BANF2: variants seen among roughly 807,000 people sequenced by gnomAD.
The protein encoded by BANF2 is barrier-to-autointegration factor-like protein.
BANF2 carries 4 observed loss-of-function variants against 8.0 expected under a neutral mutation model. That is an observed-to-expected ratio of 0.50 (90% CI 0.25 to 1.14). BANF2 has a LOEUF of 1.14. Among genes scored for constraint, BANF2 ranks in the 50% most tolerant of loss-of-function variants. The pLI is 0.16. For missense variants in BANF2, 96 were observed against 107.5 expected (o/e 0.89, Z 0.47); for synonymous variants, 50 against 40.6 (o/e 1.23, Z -0.88).
At chr20:17,697,981 G>T (rs1413953505), upstream of BANF2, among the ~76,000 whole-genome samples, 1 of 152,014 alleles carries the variant, frequency 6.6e-6, no homozygotes, top group African/African-American at 2.4e-5. Flanking sequence ...AGGATGGGCG[G>T]ATCATCTGAG....
At chr20:17,693,790 G>T in intron 1 of BANF2, 1 of 1,482,600 alleles carries the variant, frequency 6.7e-7, no homozygotes, top group Non-Finnish European at 9.2e-7. Flanking sequence ...ACCTGGCTAG[G>T]AGAGGTGTGT....
intron 1 of BANF2, among the ~76,000 whole-genome samples, chr20:17,702,844 T>C (rs1408287266): frequency 6.6e-6 from 1 of 152,204 alleles, no homozygotes; most frequent in African/African-American, 2.4e-5. Context: ...TCTCATATGA[T>C]AGCCACTAGG....
At chr20:17,725,273 T>G (rs1388652211) in intron 3 of BANF2, 122 bp downstream of exon 3, 9 of 1,277,188 alleles carry the variant, frequency 7.0e-6, no homozygotes, top group Non-Finnish European at 9.8e-6. Context: ...AGCTGCCGCT[T>G]GGCGGGGTGC....
chr20:17,711,327 G>C (rs1385051513), intron 1 of BANF2, among the ~76,000 whole-genome samples: 3 of 152,246 alleles, frequency 2.0e-5, no homozygotes, highest in Non-Finnish European at 4.4e-5. Flanking sequence ...TTGTTTAACT[G>C]CACAGTGGAG....
At chr20:17,720,247 G>T (rs548613547) in intron 1 of BANF2, among the ~76,000 whole-genome samples, 1 of 152,322 alleles carries the variant, frequency 6.6e-6, no homozygotes, top group South Asian at 2.1e-4. Flanking sequence ...GTACCCAAAA[G>T]AATTGAATGC....
rs1033600876 is a variant in BANF2, at chr20:17,714,637, T to A, written c.-166-8079T>A. On this transcript the variant is annotated intron_variant, in intron 1 of 3. Transcript: ENST00000246090. ...TTAGCACACATCCATGAAACCTTACTTAGAATTGCTGGGGCCAGAAGTTCT... is the reference window on the plus strand; with the variant it reads ...TTAGCACACATCCATGAAACCTTACATAGAATTGCTGGGGCCAGAAGTTCT... Among the ~76,000 whole-genome samples the A allele has an allele frequency of 2.6e-5, 4 of 152,358 alleles. No homozygotes were observed. The East Asian group carries it at 7.7e-4, about 29-fold the overall frequency.
chr20:17,724,402 G>A (rs1301891724), intron 2 of BANF2, among the ~76,000 whole-genome samples: 3 of 152,200 alleles, frequency 2.0e-5, no homozygotes, highest in African/African-American at 4.8e-5. Flanking sequence ...GAGTTGGTGA[G>A]GCCAAAGAGT....
chr20:17,722,153 G>C (rs2037740433), intron 1 of BANF2, among the ~76,000 whole-genome samples: 1 of 152,226 alleles, frequency 6.6e-6, no homozygotes, highest in African/African-American at 2.4e-5. Flanking sequence ...GACGTTGCTG[G>C]AGAGCCCCAG....
At chr20:17,707,429 T>C (rs2037499648) in intron 1 of BANF2, among the ~76,000 whole-genome samples, 1 of 148,636 alleles carries the variant, frequency 6.7e-6, no homozygotes, top group African/African-American at 2.5e-5. Flanking sequence ...ATGCTGGGAG[T>C]AGCATGTGGT....
At chr20:17,727,748 G>A (rs2037829618) in intron 3 of BANF2, among the ~76,000 whole-genome samples, 1 of 152,056 alleles carries the variant, frequency 6.6e-6, no homozygotes, top group African/African-American at 2.4e-5. Context: ...TTTTGTTTTT[G>A]GTTTTGTTTT....
chr20:17,719,014 C>T (rs2037692902), intron 1 of BANF2, among the ~76,000 whole-genome samples: 1 of 152,210 alleles, frequency 6.6e-6, no homozygotes, highest in Non-Finnish European at 1.5e-5. Context: ...GGACCCAATG[C>T]TGCAGCTCGC....
chr20:17,713,678 T>C lies in BANF2; in HGVS notation c.-166-9038T>C, dbSNP rs189859271. Among the ~76,000 whole-genome samples the C allele has an allele frequency of 2.4e-4, 36 of 150,712 alleles. 1 individual carries two copies. In the East Asian group the frequency reaches 3.2e-3, roughly 13 times the overall value. The stretch of plus-strand genomic sequence containing the variant: ...GCAAGACCTCATCTTTACAAAAATA[T>C]TAAAAAATTACCCGGGTGTGGTGGC... On this transcript the variant is annotated intron_variant, in intron 1 of 3. Transcript: ENST00000246090.
chr20:17,725,295 G>A (rs750326572), intron 3 of BANF2, 144 bp downstream of exon 3: 77 of 1,041,262 alleles, frequency 7.4e-5, no homozygotes, highest in Non-Finnish European at 1.0e-4. Context: ...ACATGCTTTC[G>A]TGCTATTGAC....
intron 1 of BANF2, among the ~76,000 whole-genome samples, chr20:17,715,318 A>G (rs148553595): frequency 6.6e-6 from 1 of 152,224 alleles, no homozygotes; most frequent in Non-Finnish European, 1.5e-5. Flanking sequence ...TCTCTGGGAG[A>G]GGTATCTGCA....
chr20:17,693,766 G>A, intron 1 of BANF2: 1 of 1,537,102 alleles, frequency 6.5e-7, no homozygotes, highest in Admixed American at 2.0e-5. Context: ...GGGGAAAGGA[G>A]GCAAGGACAA....
At chr20:17,710,240 G>C (rs866409046) in intron 1 of BANF2, among the ~76,000 whole-genome samples, 1 of 152,170 alleles carries the variant, frequency 6.6e-6, no homozygotes, top group Admixed American at 6.5e-5. Flanking sequence ...GGGGGACATG[G>C]GCAGGGCAGG....
intron 1 of BANF2, among the ~76,000 whole-genome samples, chr20:17,703,740 C>CTTTTTT (rs373982840): frequency 2.4e-5 from 3 of 122,600 alleles, no homozygotes; most frequent in African/African-American, 9.8e-5. Context: ...AGTAGGCTGA[C>CTTTTTT]TTTTTTTTTT....
At chr20:17,703,179 G>A (rs2037434698) in intron 1 of BANF2, among the ~76,000 whole-genome samples, 1 of 152,200 alleles carries the variant, frequency 6.6e-6, no homozygotes, top group South Asian at 2.1e-4. Flanking sequence ...TCAAGTGTGT[G>A]TCTTCAGAAA....
chr20:17,720,897 G>A (rs930696658), intron 1 of BANF2, among the ~76,000 whole-genome samples: 1 of 152,212 alleles, frequency 6.6e-6, no homozygotes, highest in Non-Finnish European at 1.5e-5. Context: ...GGCCAGCAGT[G>A]TCACATCTGC....
Sources: allele counts gnomAD v4.1 joint callset (sites outside exome capture counted in the v4.1 genomes callset), GRCh38; gene constraint gnomAD v4.1.1; transcripts MANE v1.5; gene names NCBI Gene and HGNC (gene_info 2026-07-23, HGNC 2026-07-21).